MACROD2: variants seen among roughly 807,000 people sequenced by gnomAD.
The protein encoded by MACROD2 is ADP-ribose glycohydrolase MACROD2.
In MACROD2, 36 loss-of-function variants were observed where a neutral mutation model predicts 70.4. That is an observed-to-expected ratio of 0.51 (90% CI 0.39 to 0.68). The LOEUF is 0.68. MACROD2 is among the 30% of genes least tolerant of loss of function. MACROD2 has a pLI of 0.00. For synonymous variants in MACROD2, 172 were observed against 178.8 expected, an observed-to-expected ratio of 0.96 and a Z score of 0.30; for missense variants, 496 against 538.4, an observed-to-expected ratio of 0.92 and a Z score of 0.78.
intron 13 of MACROD2, among the ~76,000 whole-genome samples, chr20:15,983,049 C>A (rs1245780042): frequency 6.6e-6 from 1 of 152,202 alleles, no homozygotes; most frequent in African/African-American, 2.4e-5. Context: ...CAGGTAGCCT[C>A]AGGGCTGGGG....
chr20:14,755,426 A>G (rs756841810), intron 5 of MACROD2, among the ~76,000 whole-genome samples: 1 of 152,068 alleles, frequency 6.6e-6, no homozygotes, highest in Non-Finnish European at 1.5e-5. Context: ...ACAAGTGCCT[A>G]ACAACTTCTT....
chr20:14,444,130 G>A (rs897367111), intron 3 of MACROD2, among the ~76,000 whole-genome samples: 30 of 152,078 alleles, frequency 2.0e-4, no homozygotes, highest in African/African-American at 7.0e-4. Context: ...ATAGGTCAAT[G>A]TTATCAGGGG....
chr20:15,228,456 CAG>C lies in MACROD2; in HGVS notation c.419-1480_419-1479del, dbSNP rs201168869. On this transcript the variant is annotated intron_variant, in intron 5 of 17. Transcript: ENST00000684519. ...GTATCAACATTTAGTGGGCAACCAA[CAG>C]AGATTTTTCTTTTCTTTTTTCCTTC... is the stretch of plus-strand genomic sequence containing the variant. 4.6e-5 allele frequency among the ~76,000 whole-genome samples: 7 copies of C among 150,548 alleles called. No homozygotes were observed. In the East Asian group the frequency reaches 1.2e-3, roughly 25 times the overall value.
At position 14,019,723 on chromosome 20, in the gene MACROD2, G is replaced by C. The variant is rs143327337; in HGVS notation, c.163+17319G>C. The stretch of plus-strand genomic sequence containing the variant: ...ATTGAATCATGAGTCTTGGATCTGG[G>C]TGGAGCCATCTTGTTGTGAGAAATG... On this transcript the variant is annotated intron_variant, in intron 2 of 17. Coordinates refer to ENST00000684519, the MANE Select transcript of MACROD2 (RefSeq NM_001351661.2). Among the ~76,000 whole-genome samples, 17 of 152,218 alleles carry C rather than the reference G, an allele frequency of 1.1e-4. No individual in the cohort carries two copies. The East Asian group carries it at 3.3e-3, about 29-fold the overall frequency.
At chr20:14,877,038 G>A (rs573387455) in intron 5 of MACROD2, among the ~76,000 whole-genome samples, 2 of 151,532 alleles carry the variant, frequency 1.3e-5, no homozygotes, top group Non-Finnish European at 3.0e-5. Context: ...CAGTGACTGT[G>A]TTTGGGCAGA....
At chr20:14,835,548 A>C (rs1194649532) in intron 5 of MACROD2, among the ~76,000 whole-genome samples, 1 of 152,078 alleles carries the variant, frequency 6.6e-6, no homozygotes, top group African/African-American at 2.4e-5. Context: ...AGGCTCTTAA[A>C]GTCTGAGTGA....
At chr20:15,433,884 T>C (rs1193641135) in intron 7 of MACROD2, among the ~76,000 whole-genome samples, 1 of 152,006 alleles carries the variant, frequency 6.6e-6, no homozygotes, top group African/African-American at 2.4e-5. Context: ...AATCCAGATA[T>C]AAAGCCAAAT....
At chr20:14,984,092 AC>A (rs375057948) in intron 5 of MACROD2, among the ~76,000 whole-genome samples, 111 of 152,292 alleles carry the variant, frequency 7.3e-4, no homozygotes, top group African/African-American at 2.6e-3. Context: ...CTGAATACCT[AC>A]TTAAGTACAA....
At chr20:15,760,359 C>T (rs2051417888) in intron 8 of MACROD2, among the ~76,000 whole-genome samples, 1 of 152,180 alleles carries the variant, frequency 6.6e-6, no homozygotes, top group Non-Finnish European at 1.5e-5. Context: ...GCTGAAATTA[C>T]AGGGAGTAGA....
chr20:14,315,719 A>G (rs946530771), intron 3 of MACROD2, among the ~76,000 whole-genome samples: 3 of 152,230 alleles, frequency 2.0e-5, no homozygotes, highest in Non-Finnish European at 4.4e-5. Context: ...CAAAACCTGT[A>G]AAGTACTTAC....
intron 2 of MACROD2, among the ~76,000 whole-genome samples, chr20:14,011,530 A>ATTT (rs34996651): frequency 6.9e-6 from 1 of 145,272 alleles, no homozygotes. Context: ...TTTCTCTTCG[A>ATTT]TTTTTTTTTT....
chr20:14,685,624 A>C (rs1335661090), intron 5 of MACROD2, among the ~76,000 whole-genome samples: 1 of 152,174 alleles, frequency 6.6e-6, no homozygotes, highest in Admixed American at 6.5e-5. Context: ...ATACTTAGAG[A>C]GAAGCTGGTC....
At chr20:14,609,867 C>T (rs1422724094) in intron 4 of MACROD2, among the ~76,000 whole-genome samples, 1 of 152,028 alleles carries the variant, frequency 6.6e-6, no homozygotes, top group Non-Finnish European at 1.5e-5. Flanking sequence ...GAGAAAATCC[C>T]AAGAATCAGT....
At chr20:14,070,857 C>T (rs1347818094) in intron 2 of MACROD2, among the ~76,000 whole-genome samples, 1 of 152,136 alleles carries the variant, frequency 6.6e-6, no homozygotes, top group Non-Finnish European at 1.5e-5. Context: ...TATCTCCCAG[C>T]ATCTTATTCT....
chr20:14,986,963 G>A (rs1204784868), intron 5 of MACROD2, among the ~76,000 whole-genome samples: 1 of 151,886 alleles, frequency 6.6e-6, no homozygotes, highest in African/African-American at 2.4e-5. Context: ...AATGGACTGA[G>A]TGTTTGACAC....
chr20:15,405,044 G>A (rs111367147), intron 6 of MACROD2, among the ~76,000 whole-genome samples: 176 of 152,280 alleles, frequency 1.2e-3, no homozygotes, highest in African/African-American at 4.2e-3. Context: ...ATACCACATA[G>A]TGTATGATTA....
rs374686550 is a variant in MACROD2, at chr20:15,537,138, C to A, written c.645+37291C>A. On this transcript the variant is annotated intron_variant, in intron 8 of 17. Transcript: ENST00000684519. ...AATCCTGGGGGTGGTTTCCATCATACTATTCTTGTGGTAGTGAATAAGTCT... is the reference window on the plus strand; with the variant it reads ...AATCCTGGGGGTGGTTTCCATCATAATATTCTTGTGGTAGTGAATAAGTCT... 1.2e-4 allele frequency among the ~76,000 whole-genome samples: 18 copies of A among 152,264 alleles called. No homozygotes were observed. In the East Asian group the frequency reaches 3.3e-3, roughly 28 times the overall value.
rs781103326 is a variant in MACROD2, at chr20:15,885,836, TA to T, written c.775+26del. On this transcript the variant is annotated intron_variant, in intron 10 of 17. Coordinates refer to ENST00000684519, the MANE Select transcript of MACROD2 (RefSeq NM_001351661.2). The stretch of plus-strand genomic sequence containing the variant: ...GGTATTAAATTCATACTTTTATTAT[TA>T]GGGGGTAGGTAGGGGTCATTTTGTT... 6.2e-5 allele frequency: 93 copies of T among 1,497,506 alleles called. No individual in the cohort carries two copies. The East Asian group carries it at 8.2e-4, about 13-fold the overall frequency. The allele number at this position is 1,497,506 out of a possible 1,614,324, so 92.8% of individuals were successfully genotyped here.
chr20:14,201,882 T>A (rs1430759112), intron 3 of MACROD2, among the ~76,000 whole-genome samples: 1 of 151,138 alleles, frequency 6.6e-6, no homozygotes, highest in Admixed American at 6.6e-5. Context: ...AATATTAAAA[T>A]CTAAAAGTGG....
Sources: gnomAD v4.1 joint callset for allele counts (sites outside exome capture counted in the v4.1 genomes callset) on GRCh38, gnomAD v4.1.1 for gene constraint, MANE v1.5 for transcripts, NCBI Gene and HGNC (gene_info 2026-07-23, HGNC 2026-07-21) for gene names.